ME2: variants seen among roughly 807,000 people sequenced by gnomAD.
ME2 encodes the protein malic enzyme 2.
In ME2, 60 loss-of-function variants were observed where a neutral mutation model predicts 73.7. That is an observed-to-expected ratio of 0.81 (90% CI 0.66 to 1.01). The LOEUF (loss-of-function observed/expected upper bound fraction) is 1.01, where lower values mean the gene tolerates loss of function less well. ME2 is among the 50% of genes least tolerant of loss of function. The pLI is 0.00. For synonymous variants in ME2, 199 were observed against 236.9 expected, an observed-to-expected ratio of 0.84 and a Z score of 1.47; for missense variants, 594 against 705.5, an observed-to-expected ratio of 0.84 and a Z score of 1.79.
intron 1 of ME2, among the ~76,000 whole-genome samples, chr18:50,884,049 A>G (rs922393397): frequency 3.3e-5 from 5 of 152,098 alleles, no homozygotes; most frequent in African/African-American, 1.2e-4. Context: ...TCCAGCAGAT[A>G]TTAAGCCCAC....
At chr18:50,910,191 G>A (rs551874123) in intron 3 of ME2, among the ~76,000 whole-genome samples, 1 of 149,834 alleles carries the variant, frequency 6.7e-6, no homozygotes, top group East Asian at 2.0e-4. Flanking sequence ...CAGCATTTTG[G>A]GAGGTCAAGG....
chr18:50,885,573 G>T (rs945743522), intron 1 of ME2, among the ~76,000 whole-genome samples: 50 of 151,396 alleles, frequency 3.3e-4, no homozygotes, highest in African/African-American at 9.0e-4. Flanking sequence ...AATTTAAATG[G>T]TTTTTTTTCA....
intron 12 of ME2, among the ~76,000 whole-genome samples, chr18:50,926,243 G>A (rs759929529): frequency 6.6e-6 from 1 of 151,912 alleles, no homozygotes; most frequent in Non-Finnish European, 1.5e-5. Flanking sequence ...TTCTACCTAG[G>A]ATCATTTTCC....
chr18:50,931,041 T>C (rs780091445), intron 12 of ME2, among the ~76,000 whole-genome samples: 1 of 152,246 alleles, frequency 6.6e-6, no homozygotes, highest in Non-Finnish European at 1.5e-5. Flanking sequence ...CTCTGCATTA[T>C]TGACCTTCAG....
intron 1 of ME2, among the ~76,000 whole-genome samples, chr18:50,891,587 T>C (rs1436037115): frequency 6.6e-6 from 1 of 152,120 alleles, no homozygotes; most frequent in African/African-American, 2.4e-5. Context: ...TAGAATACCA[T>C]AGACATGAGT....
chr18:50,885,311 A>G (rs1365529194), intron 1 of ME2, among the ~76,000 whole-genome samples: 1 of 152,178 alleles, frequency 6.6e-6, no homozygotes, highest in Non-Finnish European at 1.5e-5. Context: ...GCTTGAGGCC[A>G]AGAGTTCAAG....
At chr18:50,891,007 C>T (rs1185928091) in intron 1 of ME2, among the ~76,000 whole-genome samples, 1 of 152,154 alleles carries the variant, frequency 6.6e-6, no homozygotes, top group African/African-American at 2.4e-5. Context: ...ACCATGGTCA[C>T]CTGTGTAGAC....
At chr18:50,880,856 A>G (rs1006910866) in intron 1 of ME2, among the ~76,000 whole-genome samples, 1 of 152,212 alleles carries the variant, frequency 6.6e-6, no homozygotes, top group Non-Finnish European at 1.5e-5. Flanking sequence ...GAGGGTGTTT[A>G]TATGTTTTTG....
chr18:50,898,373 A>G (rs928589558), intron 2 of ME2, among the ~76,000 whole-genome samples: 3 of 152,188 alleles, frequency 2.0e-5, no homozygotes, highest in African/African-American at 7.2e-5. Flanking sequence ...TGCAACCATC[A>G]CCACTATCTA....
At chr18:50,924,267 C>T in intron 11 of ME2, 55 bp downstream of exon 11, 1 of 1,122,256 alleles carries the variant, frequency 8.9e-7, no homozygotes, top group South Asian at 1.4e-5. Context: ...TGTTGCCAGT[C>T]ATCATTACCA....
chr18:50,905,178 G>T (rs1599098527), intron 2 of ME2, among the ~76,000 whole-genome samples: 1 of 152,034 alleles, frequency 6.6e-6, no homozygotes, highest in African/African-American at 2.4e-5. Context: ...GTAGAGATGG[G>T]GTTTTACCAT....
At chr18:50,886,691 T>A (rs1333692673) in intron 1 of ME2, among the ~76,000 whole-genome samples, 2 of 152,170 alleles carry the variant, frequency 1.3e-5, no homozygotes, top group Non-Finnish European at 2.9e-5. Context: ...TTAATGCTTT[T>A]GATGTTTACC....
Position 50,924,059 on chromosome 18 carries a change from A to C in ME2, c.1057-39A>C, listed in dbSNP as rs756981392. ...TCTTTTTATTTCATCTTTAATATGCATTGACTAAAAAAATACTGTATTTTA... is the reference window on the plus strand; with the variant it reads ...TCTTTTTATTTCATCTTTAATATGCCTTGACTAAAAAAATACTGTATTTTA... On this transcript the variant is annotated intron_variant, in intron 10 of 15. Coordinates refer to ENST00000321341, the MANE Select transcript of ME2 (RefSeq NM_002396.5). 1.2e-5 allele frequency: 15 copies of C among 1,302,484 alleles called. No individual in the cohort carries two copies. The Admixed American group carries it at 2.5e-4, about 22-fold the overall frequency. The allele number at this position is 1,302,484 out of a possible 1,614,324, so 80.7% of individuals were successfully genotyped here.
At chr18:50,926,865 A>AATTTAATTAATTAAT (rs1917565228) in intron 12 of ME2, among the ~76,000 whole-genome samples, 2 of 152,232 alleles carry the variant, frequency 1.3e-5, no homozygotes, top group Non-Finnish European at 2.9e-5. Flanking sequence ...ATTTAGTAAC[A>AATTTAATTAATTAAT]GACTTAAAAT....
intron 12 of ME2, among the ~76,000 whole-genome samples, chr18:50,928,850 G>C (rs1421662392): frequency 6.6e-6 from 1 of 152,036 alleles, no homozygotes; most frequent in Non-Finnish European, 1.5e-5. Flanking sequence ...TTGCTGTTCA[G>C]GGTCTCAGTC....
intron 15 of ME2, among the ~76,000 whole-genome samples, chr18:50,944,226 AAGAG>A (rs1280905499): frequency 6.6e-6 from 1 of 152,102 alleles, no homozygotes; most frequent in Non-Finnish European, 1.5e-5. Flanking sequence ...AGAAAGAAAA[AAGAG>A]AGAGAAATAA....
chr18:50,935,469 G>A (rs1230093225), intron 13 of ME2: 1 of 151,924 alleles, frequency 6.6e-6, no homozygotes, highest in Admixed American at 6.6e-5. Context: ...TGAGCTGGGT[G>A]TAGTGGCTCA....
chr18:50,946,048 C>T (rs768545305), intron 15 of ME2, among the ~76,000 whole-genome samples: 1 of 152,050 alleles, frequency 6.6e-6, no homozygotes, highest in African/African-American at 2.4e-5. Context: ...GCCTGGGTGA[C>T]AGAGCAAGGC....
chr18:50,953,180 A>C lies in ME2; in HGVS notation c.*5996A>C, dbSNP rs1918258673. On this transcript the variant is annotated 3_prime_UTR_variant, in exon 16 of 16. Transcript: ENST00000321341. Reference sequence around the variant, plus strand: ...AGTGGCGCAATCTCAGCTCACTGCAAGCTCCGCCTCCCGGGTTATGCCATT... The same window carrying C: ...AGTGGCGCAATCTCAGCTCACTGCACGCTCCGCCTCCCGGGTTATGCCATT... 6.6e-6 allele frequency: 1 copy of C among 151,326 alleles called. No individual in the cohort carries two copies. Among genetic ancestry groups the C allele is most frequent in the African/African-American group, 2.4e-5 (1 of 41,018 alleles). The allele number at this position is 151,326 out of a possible 1,614,324, so 9.4% of individuals were successfully genotyped here. A position where few individuals can be genotyped will look rare whatever the true frequency, so the allele number is the denominator to read the frequency against.
Sources: gnomAD v4.1 joint callset for allele counts (sites outside exome capture counted in the v4.1 genomes callset) on GRCh38, gnomAD v4.1.1 for gene constraint, MANE v1.5 for transcripts, NCBI Gene and HGNC (gene_info 2026-07-23, HGNC 2026-07-21) for gene names.